Variants in ANO2 observed in about 807,000 individuals in gnomAD.
The protein encoded by ANO2 is anoctamin-2.
ANO2 carries 101 observed loss-of-function variants against 124.2 expected under a neutral mutation model. That is an observed-to-expected ratio of 0.81 (90% CI 0.69 to 0.96). The LOEUF (loss-of-function observed/expected upper bound fraction) is 0.96. Ranked by LOEUF, ANO2 falls within the 40% of genes least tolerant of loss-of-function variation. The pLI is 0.00. For missense variants in ANO2, 1,293 were observed against 1,274.5 expected, an observed-to-expected ratio of 1.01 and a Z score of -0.22; for synonymous variants, 486 against 482.5, an observed-to-expected ratio of 1.01 and a Z score of -0.09.
chr12:5,941,956 T>A (rs1456175194), intron 1 of ANO2, among the ~76,000 whole-genome samples: 1 of 152,166 alleles, frequency 6.6e-6, no homozygotes, highest in African/African-American at 2.4e-5. Flanking sequence ...ACATTTTTCA[T>A]AAAAACACAA....
At chr12:5,875,314 C>T (rs994519524) in intron 3 of ANO2, among the ~76,000 whole-genome samples, 1 of 152,204 alleles carries the variant, frequency 6.6e-6, no homozygotes, top group Non-Finnish European at 1.5e-5. Context: ...CAAGAAGATC[C>T]ACCCACACAA....
chr12:5,895,552 A>G (rs1351876481), intron 3 of ANO2, among the ~76,000 whole-genome samples: 1 of 152,292 alleles, frequency 6.6e-6, no homozygotes, highest in Middle Eastern at 3.4e-3. Context: ...ATCACTAATC[A>G]TCAGGGAAAT....
chr12:5,568,134 T>A (rs1941882883), intron 23 of ANO2, among the ~76,000 whole-genome samples: 1 of 148,176 alleles, frequency 6.7e-6, no homozygotes, highest in South Asian at 2.1e-4. Flanking sequence ...ACCCACCCTA[T>A]GCTTTTTTTT....
Position 5,658,220 on chromosome 12 carries a change from C to T in ANO2, c.1546-10419G>A, listed in dbSNP as rs1391161987. Among the ~76,000 whole-genome samples the T allele has an allele frequency of 1.3e-5, 2 of 152,128 alleles. No individual in the cohort carries two copies. The highest frequency in any genetic ancestry group is 2.9e-5 in the Non-Finnish European group (2 of 68,038). ...GTGACTTCAGGCATGTTACCAACTTCTCTATACCTCCACTTCCTCACCCAT... is the reference window on the plus strand; with the variant it reads ...GTGACTTCAGGCATGTTACCAACTTTTCTATACCTCCACTTCCTCACCCAT... On this transcript the variant is annotated intron_variant, in intron 14 of 24. Coordinates refer to ENST00000682330, the MANE Select transcript of ANO2 (RefSeq NM_001364791.2). This position sits in a 1 kb window ranked among gnomAD's most constrained non-coding sequence, Gnocchi z 4.3.
intron 10 of ANO2, among the ~76,000 whole-genome samples, chr12:5,798,050 AT>A (rs1433111640): frequency 1.3e-5 from 2 of 152,040 alleles, no homozygotes; most frequent in Non-Finnish European, 2.9e-5. Context: ...GAGAATTTTT[AT>A]TTTTTAATCG....
intron 6 of ANO2, among the ~76,000 whole-genome samples, chr12:5,829,605 G>A (rs1954086630): frequency 1.3e-5 from 2 of 152,154 alleles, no homozygotes; most frequent in South Asian, 4.1e-4. Context: ...CTTTGGTAAG[G>A]ATCAATGGAA....
At chr12:5,857,772 T>TGATAGACAGATAGATA (rs1555174404) in intron 3 of ANO2, among the ~76,000 whole-genome samples, 4 of 148,290 alleles carry the variant, frequency 2.7e-5, no homozygotes, top group African/African-American at 9.9e-5. Context: ...AAAAGAAATG[T>TGATAGACAGATAGATA]GATAGATAGA....
Position 5,921,312 on chromosome 12 carries a change from T to C in ANO2, c.262A>G (p.Ser88Gly). Residue 88 changes from serine to glycine, a missense_variant, in exon 3 of 25, where the codon AGC becomes GGC. By Grantham distance (56) the Ser-to-Gly change is moderately conservative. Transcript: ENST00000682330. ...TGACTGTCATGGAAGTGCATGCGGCTAAGACGGGCCTCCAAGGACACAGGC... is the reference window on the plus strand; with the variant it reads ...TGACTGTCATGGAAGTGCATGCGGCCAAGACGGGCCTCCAAGGACACAGGC... ...NEPVSLEARL[S>G]RMHFHDSQRK... 2 of 1,613,970 alleles carry C rather than the reference T, an allele frequency of 1.2e-6. No homozygotes were observed. The highest frequency in any genetic ancestry group is 1.7e-6 in the Non-Finnish European group (2 of 1,179,888).
At chr12:5,619,532 T>C (rs1051418043) in intron 16 of ANO2, among the ~76,000 whole-genome samples, 1 of 152,082 alleles carries the variant, frequency 6.6e-6, no homozygotes, top group African/African-American at 2.4e-5. Context: ...GATACACAGC[T>C]AGATGGGGGC....
At chr12:5,813,552 A>T (rs1953502546) in intron 7 of ANO2, among the ~76,000 whole-genome samples, 1 of 152,150 alleles carries the variant, frequency 6.6e-6, no homozygotes, top group South Asian at 2.1e-4. Context: ...ACCGTCGCCC[A>T]TAATCACATG....
chr12:5,709,659 C>T (rs778603016), intron 14 of ANO2, among the ~76,000 whole-genome samples: 3 of 152,188 alleles, frequency 2.0e-5, no homozygotes, highest in African/African-American at 7.2e-5. Context: ...GTTACCATAC[C>T]CAGCTCTGTG....
intron 16 of ANO2, among the ~76,000 whole-genome samples, chr12:5,627,753 T>C (rs1448448071): frequency 6.6e-6 from 1 of 152,204 alleles, no homozygotes; most frequent in African/African-American, 2.4e-5. Flanking sequence ...ATATATTGCC[T>C]TTTGCTAGAG....
chr12:5,772,631 T>A (rs1031369290), intron 10 of ANO2, among the ~76,000 whole-genome samples: 5 of 152,202 alleles, frequency 3.3e-5, no homozygotes, highest in Non-Finnish European at 7.3e-5. Flanking sequence ...TGTTGGAACA[T>A]CTTGTTTTTT....
At chr12:5,642,308 A>G (rs567838456) in intron 15 of ANO2, among the ~76,000 whole-genome samples, 19 of 152,192 alleles carry the variant, frequency 1.2e-4, no homozygotes, top group Admixed American at 1.2e-3. Context: ...AATGCCTTCT[A>G]TAGTGATTAG....
At chr12:5,599,436 C>T in intron 20 of ANO2, 48 bp downstream of exon 20, 9 of 1,566,656 alleles carry the variant, frequency 5.7e-6, no homozygotes, top group Non-Finnish European at 7.7e-6. Flanking sequence ...CCCACAGACC[C>T]CTTGTCTGAA....
chr12:5,662,027 T>G (rs974379743), intron 14 of ANO2, among the ~76,000 whole-genome samples: 16 of 152,166 alleles, frequency 1.1e-4, no homozygotes, highest in Non-Finnish European at 2.1e-4. Context: ...CGCCCCTCCC[T>G]TCTCCCCCAC....
At chr12:5,645,596 C>A (rs1946600291) in intron 15 of ANO2, among the ~76,000 whole-genome samples, 1 of 151,964 alleles carries the variant, frequency 6.6e-6, no homozygotes, top group African/African-American at 2.4e-5. Flanking sequence ...AAAATAGTTT[C>A]TTATTCTTTG....
intron 4 of ANO2, among the ~76,000 whole-genome samples, chr12:5,843,093 C>A (rs183277528): frequency 1.3e-5 from 2 of 152,104 alleles, no homozygotes; most frequent in East Asian, 3.9e-4. Flanking sequence ...GAGAAAGACC[C>A]CACCTATAGC....
chr12:5,731,451 G>A (rs116472772), intron 14 of ANO2, among the ~76,000 whole-genome samples: 206 of 152,078 alleles, frequency 1.4e-3, no homozygotes, highest in African/African-American at 4.9e-3. Flanking sequence ...TAACATGAAT[G>A]GTTCCAACTT....
Sources: gnomAD v4.1 joint callset for allele counts (sites outside exome capture counted in the v4.1 genomes callset) on GRCh38, gnomAD v4.1.1 for gene constraint, Gnocchi (gnomAD v3.1) non-coding constraint, MANE v1.5 for transcripts, NCBI Gene and HGNC (gene_info 2026-07-23, HGNC 2026-07-21) for gene names.